ISM1: variants seen among roughly 807,000 people sequenced by gnomAD.
ISM1 encodes the protein isthmin-1.
Under a neutral mutation model 46.3 loss-of-function variants are expected in ISM1, and 25 were observed. The ratio of observed to expected loss-of-function variants is 0.54; its 90% CI spans 0.39 to 0.75. The LOEUF (loss-of-function observed/expected upper bound fraction) is 0.75, where lower values mean the gene tolerates loss of function less well. Ranked by LOEUF, ISM1 falls within the 30% of genes least tolerant of loss-of-function variation. ISM1 has a pLI of 0.00. For missense variants in ISM1, 536 were observed against 625.4 expected (o/e 0.86, Z 1.52); for synonymous variants, 255 against 256.7 (o/e 0.99, Z 0.06).
At chr20:13,245,857 T>C (rs74890135) in intron 1 of ISM1, among the ~76,000 whole-genome samples, 5,506 of 152,260 alleles carry the variant, frequency 0.036, 172 homozygotes, top group African/African-American at 0.077. Flanking sequence ...CCTTTCCTGC[T>C]CCTCAATTTA....
intron 5 of ISM1, among the ~76,000 whole-genome samples, chr20:13,294,290 C>T (rs1469761693): frequency 6.6e-6 from 1 of 152,210 alleles, no homozygotes; most frequent in East Asian, 1.9e-4. Context: ...TCGCTAGGGC[C>T]TCTACCTCAT....
chr20:13,255,803 C>G (rs893222393), intron 1 of ISM1, among the ~76,000 whole-genome samples: 1 of 152,104 alleles, frequency 6.6e-6, no homozygotes, highest in African/African-American at 2.4e-5. Context: ...CATGGTAGAC[C>G]TAAGTGAAAC....
Position 13,279,841 on chromosome 20 carries a change from T to G in ISM1, c.586T>G (p.Trp196Gly). ...DSNFLNPPRG[W>G]DHTAPGHRTF... is the part of the protein sequence containing the mutation. ...CAACTTCCTCAACCCCCCCAGGGGG[T>G]GGGACCATACAGCCCCAGGCCACCG... The change falls in exon 3 of 6, where the codon TGG becomes GGG. Residue 196 changes from tryptophan to glycine, a missense_variant. Transcript: ENST00000262487. 2 of 1,613,786 alleles carry G rather than the reference T, an allele frequency of 1.2e-6. No homozygotes were observed. The highest frequency in any genetic ancestry group is 1.7e-6 in the Non-Finnish European group (2 of 1,179,836).
the ISM1 span, among the ~76,000 whole-genome samples, chr20:13,314,494 G>A: frequency 1.3e-5 from 2 of 150,992 alleles, no homozygotes; most frequent in Non-Finnish European, 3.0e-5. Flanking sequence ...TTGAGAGAGA[G>A]AAAAAAAACC....
chr20:13,286,677 A>G (rs1214946636), intron 3 of ISM1, among the ~76,000 whole-genome samples: 1 of 152,184 alleles, frequency 6.6e-6, no homozygotes, highest in Non-Finnish European at 1.5e-5. Context: ...CGCTCCTCCA[A>G]TTCCACTTAG....
chr20:13,242,784 G>A (rs1430392378), intron 1 of ISM1, among the ~76,000 whole-genome samples: 1 of 152,212 alleles, frequency 6.6e-6, no homozygotes, highest in African/African-American at 2.4e-5. Flanking sequence ...GGCAGCCATA[G>A]CTTAAGACAT....
Position 13,270,619 on chromosome 20 carries a change from G to A in ISM1, c.254G>A (p.Arg85Gln), listed in dbSNP as rs749461344. 3.3e-5 allele frequency: 54 copies of A among 1,613,812 alleles called. No individual in the cohort carries two copies. The highest frequency in any genetic ancestry group is 8.9e-5 in the East Asian group (4 of 44,894). Residue 85 changes from arginine to glutamine, a missense_variant, in exon 2 of 6, where the codon CGA (arginine) becomes CAA (glutamine). This residue lies in a region of ISM1 where 367 missense variants were observed against 376.1 expected (regional missense o/e 0.98). Transcript: ENST00000262487. ...GCACACCAACCCTTCCCCAGACCGCGATTCCGACAAGAGACGGGGCACCCT... is the reference window on the plus strand; with the variant it reads ...GCACACCAACCCTTCCCCAGACCGCAATTCCGACAAGAGACGGGGCACCCT... ...QAAHQPFPRPRFRQETGHPSL... is the reference protein window; with the variant it reads ...QAAHQPFPRPQFRQETGHPSL...
chr20:13,320,682 G>A, the ISM1 span, among the ~76,000 whole-genome samples: 2 of 152,080 alleles, frequency 1.3e-5, no homozygotes, highest in African/African-American at 2.4e-5. Context: ...ACAAGTTCTG[G>A]GTTTCCTCAG....
downstream of ISM1, among the ~76,000 whole-genome samples, chr20:13,302,881 C>T (rs1217181180): frequency 1.3e-5 from 2 of 152,120 alleles, no homozygotes; most frequent in Non-Finnish European, 2.9e-5. Context: ...GCTTTCTCTT[C>T]GGACCCAGTT....
chr20:13,296,935 T>C (rs142546088), intron 5 of ISM1, among the ~76,000 whole-genome samples: 111 of 152,244 alleles, frequency 7.3e-4, no homozygotes, highest in African/African-American at 2.2e-3. Flanking sequence ...GGAGAATTGC[T>C]TGAACCCGGG....
chr20:13,313,825 T>A, the ISM1 span, among the ~76,000 whole-genome samples: 7 of 152,182 alleles, frequency 4.6e-5, no homozygotes, highest in Non-Finnish European at 1.0e-4. Flanking sequence ...GCTGGAATTG[T>A]TAGGCCAGGA....
rs559169744 is a variant in ISM1 at position 13,279,578 on chromosome 20, T to C, written c.379-56T>C. On this transcript the variant is annotated intron_variant, in intron 2 of 5. Coordinates refer to ENST00000262487, the MANE Select transcript of ISM1 (RefSeq NM_080826.2). ...CTCTCAGACTTTCTTCCAAGGGTCA[T>C]GTAGCTTGGAGGCTGTTGACTCCAC... 4 of 1,542,246 alleles carry C rather than the reference T, an allele frequency of 2.6e-6. No individual in the cohort carries two copies. In the South Asian group the frequency reaches 4.8e-5, roughly 19 times the overall value.
intron 2 of ISM1, among the ~76,000 whole-genome samples, chr20:13,278,306 A>G (rs2040202971): frequency 6.6e-6 from 1 of 152,216 alleles, no homozygotes; most frequent in South Asian, 2.1e-4. Flanking sequence ...CTTTGGCTCC[A>G]GGACTATCTG....
chr20:13,225,455 T>C (rs1379599682), intron 1 of ISM1, among the ~76,000 whole-genome samples: 1 of 152,220 alleles, frequency 6.6e-6, no homozygotes, highest in African/African-American at 2.4e-5. Context: ...ACATTATATA[T>C]ACATAATACA....
chr20:13,280,399 C>CA (rs1288795461), intron 3 of ISM1, among the ~76,000 whole-genome samples: 2 of 147,534 alleles, frequency 1.4e-5, no homozygotes, highest in Non-Finnish European at 3.0e-5. Context: ...TAACCCCCCC[C>CA]CCCCAATACA....
chr20:13,303,120 T>TTCTTGGTC (rs1264172290), downstream of ISM1, among the ~76,000 whole-genome samples: 18 of 152,334 alleles, frequency 1.2e-4, no homozygotes, highest in Non-Finnish European at 2.4e-4. Context: ...CAAGGTTAGC[T>TTCTTGGTC]AACTTGTTCA....
intron 1 of ISM1, among the ~76,000 whole-genome samples, chr20:13,224,760 A>C (rs2039494592): frequency 1.3e-5 from 2 of 152,198 alleles, no homozygotes. Flanking sequence ...TAAGAAAAGC[A>C]ACAATAATAG....
At chr20:13,297,068 A>G (rs1435817606) in intron 5 of ISM1, among the ~76,000 whole-genome samples, 2 of 152,124 alleles carry the variant, frequency 1.3e-5, no homozygotes, top group African/African-American at 2.4e-5. Context: ...GTCCTGATCA[A>G]TCAGTGAGGA....
At chr20:13,323,767 T>C in the ISM1 span, among the ~76,000 whole-genome samples, 1 of 151,854 alleles carries the variant, frequency 6.6e-6, no homozygotes, top group Non-Finnish European at 1.5e-5. Context: ...AAAAAAGCCT[T>C]CTTCTTCAAT....
Sources: allele counts gnomAD v4.1 joint callset (sites outside exome capture counted in the v4.1 genomes callset), GRCh38; gene constraint gnomAD v4.1.1; regional missense constraint gnomAD v4.1.1; transcripts MANE v1.5; gene names NCBI Gene and HGNC (gene_info 2026-07-23, HGNC 2026-07-21).